Variants in BLTP1 observed in about 807,000 individuals in gnomAD.
BLTP1 encodes bridge-like lipid transfer protein family member 1.
At chr4:122,187,828 A>G in the BLTP1 span, 62 of 1,479,360 alleles carry the variant, frequency 4.2e-5, 1 homozygote, top group East Asian at 1.1e-3. Context: ...TAGTTTAGCT[A>G]AAGAAAGAAA....
At chr4:122,248,452 A>G in the BLTP1 span, among the ~76,000 whole-genome samples, 8,983 of 152,120 alleles carry the variant, frequency 0.059, 873 homozygotes, top group East Asian at 0.31. Flanking sequence ...TTATCTGCCA[A>G]AGGTTACTTA....
the BLTP1 span, chr4:122,328,070 G>T: frequency 1.4e-6 from 2 of 1,442,374 alleles, no homozygotes; most frequent in Non-Finnish European, 1.9e-6. Flanking sequence ...ATTGAAATAT[G>T]AATCTGATTC....
the BLTP1 span, chr4:122,183,126 A>G: frequency 1.6e-6 from 1 of 612,160 alleles, no homozygotes; most frequent in Non-Finnish European, 2.0e-6. Flanking sequence ...GCTTGAGCCC[A>G]GAAGTTTGAG....
chr4:122,214,525 A>C, the BLTP1 span: 1 of 953,910 alleles, frequency 1.0e-6, no homozygotes, highest in Non-Finnish European at 1.2e-6. Context: ...ATTAATCTTA[A>C]AGTACCATAA....
the BLTP1 span, chr4:122,220,234 A>C: frequency 7.6e-7 from 1 of 1,311,112 alleles, no homozygotes; most frequent in Non-Finnish European, 1.0e-6. Flanking sequence ...TTTGAAAAAC[A>C]AATTCTCTTA....
the BLTP1 span, among the ~76,000 whole-genome samples, chr4:122,253,170 C>A: frequency 2.6e-5 from 4 of 151,786 alleles, no homozygotes; most frequent in African/African-American, 7.3e-5. Context: ...CCTGAAAAGC[C>A]TTCCCAAGAA....
chr4:122,205,163 CT>C, the BLTP1 span, among the ~76,000 whole-genome samples: 1 of 151,726 alleles, frequency 6.6e-6, no homozygotes, highest in African/African-American at 2.4e-5. Context: ...ATTATTGAAT[CT>C]TTTTTCTGTT....
chr4:122,190,411 A>C, the BLTP1 span: 5 of 978,052 alleles, frequency 5.1e-6, no homozygotes, highest in Non-Finnish European at 6.1e-6. Context: ...TTTTTTTAAA[A>C]GTATGTTTCA....
At chr4:122,188,503 C>A in the BLTP1 span, among the ~76,000 whole-genome samples, 6 of 151,946 alleles carry the variant, frequency 3.9e-5, no homozygotes, top group Non-Finnish European at 5.9e-5. Context: ...AAAATTGAAT[C>A]GAAATTACTC....
At chr4:122,279,937 A>C in the BLTP1 span, 1 of 1,614,142 alleles carries the variant, frequency 6.2e-7, no homozygotes, top group Non-Finnish European at 8.5e-7. Context: ...GTTCTCACCA[A>C]CTATCTAAAC....
the BLTP1 span, chr4:122,325,402 A>G: frequency 1.4e-6 from 2 of 1,457,112 alleles, no homozygotes; most frequent in Non-Finnish European, 1.8e-6. Context: ...ATACTATTTC[A>G]AAATACTGAT....
At chr4:122,217,722 G>T in the BLTP1 span, among the ~76,000 whole-genome samples, 2 of 152,044 alleles carry the variant, frequency 1.3e-5, no homozygotes, top group Non-Finnish European at 2.9e-5. Context: ...GGTGATTACT[G>T]TCTTCAAAGA....
the BLTP1 span, chr4:122,170,566 G>T: frequency 2.8e-6 from 4 of 1,429,140 alleles, no homozygotes; most frequent in South Asian, 1.6e-5. Flanking sequence ...GATTTCTGTT[G>T]CAATTTTATA....
the BLTP1 span, chr4:122,331,873 T>C: frequency 1.6e-6 from 1 of 635,224 alleles, no homozygotes; most frequent in South Asian, 7.1e-5. Context: ...AACAACACAA[T>C]GCTCAGAAGT....
At chr4:122,194,120 T>C in the BLTP1 span, among the ~76,000 whole-genome samples, 9 of 152,210 alleles carry the variant, frequency 5.9e-5, no homozygotes, top group South Asian at 4.1e-4. Context: ...CTTCGGCCTC[T>C]CAAAGTGCTG....
chr4:122,362,146 A>G, the BLTP1 span: 1 of 1,613,646 alleles, frequency 6.2e-7, no homozygotes, highest in Non-Finnish European at 8.5e-7. Context: ...AAGAGGAGTC[A>G]TGGATCCACT....
chr4:122,250,224 T>C, the BLTP1 span: 2 of 907,418 alleles, frequency 2.2e-6, no homozygotes, highest in African/African-American at 1.7e-5. Context: ...AATTCAGTGA[T>C]ACATTACTTT....
the BLTP1 span, chr4:122,234,687 TATTTA>T: frequency 3.0e-6 from 4 of 1,314,662 alleles, no homozygotes; most frequent in South Asian, 1.5e-5. Context: ...AATTAACTTA[TATTTA>T]ATTATCTATC....
chr4:122,269,619 C>G, the BLTP1 span: 2 of 985,006 alleles, frequency 2.0e-6, no homozygotes, highest in Non-Finnish European at 2.4e-6. Context: ...TCAGTATTGT[C>G]TGGGTTTTTT....
Sources: allele counts gnomAD v4.1 joint callset (sites outside exome capture counted in the v4.1 genomes callset), GRCh38; gene constraint gnomAD v4.1.1; transcripts MANE v1.5; gene names NCBI Gene and HGNC (gene_info 2026-07-23, HGNC 2026-07-21).